Variants in RBFOX1 observed in about 807,000 individuals in gnomAD.
The protein encoded by RBFOX1 is RNA binding protein fox-1 homolog 1.
In RBFOX1, 8 loss-of-function variants were observed where a neutral mutation model predicts 57.7. The ratio of observed to expected loss-of-function variants is 0.14; its 90% CI spans 0.08 to 0.25. RBFOX1 has a LOEUF of 0.25. Ranked by LOEUF, RBFOX1 falls within the 10% of genes least tolerant of loss-of-function variation. The pLI is 1.00. For synonymous variants in RBFOX1, 326 were observed against 222.4 expected (o/e 1.47, Z -4.15); for missense variants, 611 against 548.5 (o/e 1.11, Z -1.14).
chr16:6,698,197 C>G (rs1028903642), intron 3 of RBFOX1, among the ~76,000 whole-genome samples: 1 of 152,148 alleles, frequency 6.6e-6, no homozygotes, highest in Non-Finnish European at 1.5e-5. Context: ...TTCCCTCGTG[C>G]TCCAATTTGA....
intron 3 of RBFOX1, among the ~76,000 whole-genome samples, chr16:6,811,565 G>C (rs2088591500): frequency 6.6e-6 from 1 of 152,100 alleles, no homozygotes; most frequent in African/African-American, 2.4e-5. Context: ...TCTGGCGTTG[G>C]GAAGATTAGC....
At chr16:5,405,019 G>GTC (rs1567458869) in intron 1 of RBFOX1, among the ~76,000 whole-genome samples, 1 of 152,194 alleles carries the variant, frequency 6.6e-6, no homozygotes, top group Non-Finnish European at 1.5e-5. Context: ...AATTCATTCT[G>GTC]TGAGTTAGGT....
intron 4 of RBFOX1, among the ~76,000 whole-genome samples, chr16:7,237,255 G>T (rs571157479): frequency 6.6e-6 from 1 of 152,312 alleles, no homozygotes; most frequent in East Asian, 1.9e-4. Context: ...GGATCAGCTG[G>T]TCCCAGCGGG....
chr16:5,840,646 G>A (rs760176392), intron 3 of RBFOX1, among the ~76,000 whole-genome samples: 16 of 152,170 alleles, frequency 1.1e-4, no homozygotes, highest in Non-Finnish European at 2.1e-4. Flanking sequence ...ATGTCAAAAG[G>A]GGAGGATTAG....
chr16:6,062,067 A>C (rs1420988235), intron 1 of RBFOX1, among the ~76,000 whole-genome samples: 1 of 152,106 alleles, frequency 6.6e-6, no homozygotes, highest in Non-Finnish European at 1.5e-5. Flanking sequence ...GTTTATTATA[A>C]AGGATATTAC....
chr16:7,686,000 G>C (rs1392573753), intron 14 of RBFOX1, among the ~76,000 whole-genome samples: 1 of 152,032 alleles, frequency 6.6e-6, no homozygotes, highest in East Asian at 1.9e-4. Context: ...CATTGAGCTA[G>C]TTGACCCTCA....
chr16:7,682,066 C>T (rs375066244), intron 14 of RBFOX1, among the ~76,000 whole-genome samples: 5 of 152,116 alleles, frequency 3.3e-5, no homozygotes, highest in African/African-American at 1.2e-4. Flanking sequence ...ATATGGTTGT[C>T]AACCCTCTTT....
chr16:7,327,521 A>G (rs1323113667), intron 4 of RBFOX1, among the ~76,000 whole-genome samples: 1 of 152,238 alleles, frequency 6.6e-6, no homozygotes. Context: ...CCAAAAGATA[A>G]GAAATGTGAT....
At chr16:5,908,182 A>G (rs2058516043) in intron 4 of RBFOX1, among the ~76,000 whole-genome samples, 1 of 109,792 alleles carries the variant, frequency 9.1e-6, no homozygotes, top group Non-Finnish European at 2.0e-5. Context: ...ATATACACAT[A>G]TATACACATA....
At chr16:7,146,458 T>C (rs185462804) in intron 4 of RBFOX1, among the ~76,000 whole-genome samples, 12 of 152,298 alleles carry the variant, frequency 7.9e-5, no homozygotes, top group Admixed American at 7.8e-4. Flanking sequence ...GCTGGCTTTC[T>C]AGTGACGATG....
chr16:7,105,787 G>GAGAGAT (rs2063481720), intron 4 of RBFOX1, among the ~76,000 whole-genome samples: 1 of 88,656 alleles, frequency 1.1e-5, no homozygotes, highest in South Asian at 3.8e-4. Flanking sequence ...GATGTATATA[G>GAGAGAT]AGATAGATAG....
intron 1 of RBFOX1, among the ~76,000 whole-genome samples, chr16:5,341,937 A>C (rs2065041795): frequency 6.6e-6 from 1 of 152,130 alleles, no homozygotes; most frequent in African/African-American, 2.4e-5. Context: ...GCCATGGGGG[A>C]TACATTCTGA....
intron 3 of RBFOX1, among the ~76,000 whole-genome samples, chr16:7,004,581 C>T (rs1460581337): frequency 6.6e-6 from 1 of 152,176 alleles, no homozygotes; most frequent in Non-Finnish European, 1.5e-5. Flanking sequence ...TTTATTAGTA[C>T]AATGAATTTC....
At chr16:7,400,834 C>G (rs750193629) in intron 4 of RBFOX1, among the ~76,000 whole-genome samples, 1 of 152,172 alleles carries the variant, frequency 6.6e-6, no homozygotes, top group Non-Finnish European at 1.5e-5. Flanking sequence ...GCTGTTGGTG[C>G]GCTTGCCCAT....
chr16:6,004,817 C>T (rs1246622873), intron 4 of RBFOX1, among the ~76,000 whole-genome samples: 1 of 152,144 alleles, frequency 6.6e-6, no homozygotes, highest in Non-Finnish European at 1.5e-5. Context: ...TTCCATCTGA[C>T]ATTTGAATGT....
rs1270090194 is a variant in RBFOX1, at chr16:6,892,788, C to G, written c.-15-159269C>G. ...CCTCCCTGTCTCCCTCTCTCTCTCT[C>G]TCTCTCTCTCTCTCTCTCTCTCTCT... is the stretch of plus-strand genomic sequence containing the variant. On this transcript the variant is annotated intron_variant, in intron 3 of 15. Transcript: ENST00000550418. Among the ~76,000 whole-genome samples, 6 of 76,466 alleles carry G rather than the reference C, an allele frequency of 7.8e-5. 1 individual carries two copies. Among genetic ancestry groups the G allele is most frequent in the African/African-American group, 1.8e-4 (4 of 21,660 alleles). 50.2% of individuals were successfully genotyped at this position (76,466 alleles called of 152,430 possible).
chr16:7,327,696 C>T (rs992955518), intron 4 of RBFOX1, among the ~76,000 whole-genome samples: 12 of 152,232 alleles, frequency 7.9e-5, no homozygotes, highest in South Asian at 4.2e-4. Context: ...GCAGCTTTTT[C>T]GCAGATATGA....
chr16:6,753,871 T>G (rs1205037725), intron 3 of RBFOX1, among the ~76,000 whole-genome samples: 2 of 152,162 alleles, frequency 1.3e-5, no homozygotes, highest in Admixed American at 6.5e-5. Flanking sequence ...ATGGTTGATG[T>G]GCTCTCGGTC....
chr16:5,411,608 A>T (rs1292818451), intron 1 of RBFOX1, among the ~76,000 whole-genome samples: 3 of 152,142 alleles, frequency 2.0e-5, no homozygotes. Context: ...AGCAACAGAA[A>T]ATTAGTAGTT....
Sources: allele counts gnomAD v4.1 joint callset (sites outside exome capture counted in the v4.1 genomes callset), GRCh38; gene constraint gnomAD v4.1.1; transcripts MANE v1.5; gene names NCBI Gene and HGNC (gene_info 2026-07-23, HGNC 2026-07-21).